The following PCM1 variants were observed in gnomAD, a reference collection of about 807,000 sequenced individuals.
PCM1 encodes the protein pericentriolar material 1 protein.
Under a neutral mutation model 241.9 loss-of-function variants are expected in PCM1, and 157 were observed. That is an observed-to-expected ratio of 0.65 (90% CI 0.57 to 0.74). PCM1 has a LOEUF of 0.74. PCM1 is among the 30% of genes least tolerant of loss of function. PCM1 has a pLI of 0.00. For synonymous variants in PCM1, 1,085 were observed against 784.9 expected (o/e 1.38, Z -6.39); for missense variants, 3,478 against 2,360.1 (o/e 1.47, Z -9.81).
chr8:17,955,665 A>C lies in PCM1; in HGVS notation c.1472+12A>C. 6.3e-7 allele frequency: 1 copy of C among 1,596,040 alleles called. No individual in the cohort carries two copies. The highest frequency in any genetic ancestry group is 8.6e-7 in the Non-Finnish European group (1 of 1,163,784). Reference sequence around the variant, plus strand: ...TCTGAAAAACTCCAGTAAAACATTTATAATCATTGTTTACATGAAGTTAAA... The same window carrying C: ...TCTGAAAAACTCCAGTAAAACATTTCTAATCATTGTTTACATGAAGTTAAA... On this transcript the variant is annotated intron_variant, in intron 10 of 38. Transcript: ENST00000325083.
At chr8:17,926,812 CAAGT>C (rs918801947) in intron 2 of PCM1, 5 of 152,182 alleles carry the variant, frequency 3.3e-5, no homozygotes, top group African/African-American at 1.2e-4. Flanking sequence ...CAGCAGGAAT[CAAGT>C]GAGAGAAGTA....
intron 23 of PCM1, among the ~76,000 whole-genome samples, chr8:17,973,351 A>G (rs1262473257): frequency 1.3e-5 from 2 of 152,170 alleles, no homozygotes; most frequent in African/African-American, 4.8e-5. Flanking sequence ...GTTACAGCTG[A>G]AGGATATTCT....
chr8:17,936,793 CTG>C (rs776270158), intron 3 of PCM1, among the ~76,000 whole-genome samples: 6 of 152,030 alleles, frequency 3.9e-5, no homozygotes, highest in Non-Finnish European at 7.4e-5. Context: ...GTAAAGGTAT[CTG>C]TAATTTATTT....
intron 29 of PCM1, among the ~76,000 whole-genome samples, chr8:17,994,822 G>C (rs73573632): frequency 0.016 from 2,476 of 151,450 alleles, 207 homozygotes; most frequent in African/African-American, 0.058. Context: ...TTTGCCATTT[G>C]TATGTCGTCT....
intron 23 of PCM1, 22 bp from the exon 24 acceptor site, chr8:17,980,569 G>T (rs370855999): frequency 2.6e-6 from 4 of 1,562,170 alleles, no homozygotes; most frequent in Non-Finnish European, 3.5e-6. Flanking sequence ...ACTGATAACA[G>T]TTGTCACTTT....
chr8:17,956,077 T>C lies in PCM1; in HGVS notation c.1472+424T>C, dbSNP rs993255449. On this transcript the variant is annotated intron_variant, in intron 10 of 38. Transcript: ENST00000325083. ...ATGATAATATACCTGTTGATAAATATGTTTTCATTAAAAAACGTTGGCGCA... is the reference window on the plus strand; with the variant it reads ...ATGATAATATACCTGTTGATAAATACGTTTTCATTAAAAAACGTTGGCGCA... The C allele has an allele frequency of 4.3e-5, 9 of 209,938 alleles. 1 individual carries two copies. Among genetic ancestry groups the C allele is most frequent in the South Asian group, 2.4e-4 (3 of 12,650 alleles). The allele number at this position is 209,938 out of a possible 1,614,324, so 13.0% of individuals were successfully genotyped here.
intron 9 of PCM1, among the ~76,000 whole-genome samples, chr8:17,954,025 T>C (rs2067069437): frequency 6.6e-6 from 1 of 152,198 alleles, no homozygotes; most frequent in African/African-American, 2.4e-5. Flanking sequence ...AAAAGAACCT[T>C]AATATTCCTG....
At chr8:18,019,044 A>G (rs1253404480) in intron 36 of PCM1, among the ~76,000 whole-genome samples, 1 of 151,810 alleles carries the variant, frequency 6.6e-6, no homozygotes, top group Non-Finnish European at 1.5e-5. Flanking sequence ...TACAGATTCT[A>G]AATGGTTCAC....
intron 2 of PCM1, among the ~76,000 whole-genome samples, chr8:17,934,330 C>G (rs1249255400): frequency 6.6e-6 from 1 of 150,830 alleles, no homozygotes; most frequent in African/African-American, 2.4e-5. Context: ...GGTGCAGTCT[C>G]GGCTCACTGC....
At chr8:17,949,695 CTG>C (rs906620065) in intron 7 of PCM1, among the ~76,000 whole-genome samples, 5 of 152,126 alleles carry the variant, frequency 3.3e-5, no homozygotes, top group Non-Finnish European at 7.3e-5. Context: ...TGGGGTCTCA[CTG>C]TGGTGCCCAG....
At chr8:17,992,354 C>T (rs762142273) in intron 28 of PCM1, among the ~76,000 whole-genome samples, 1 of 152,184 alleles carries the variant, frequency 6.6e-6, no homozygotes, top group Admixed American at 6.5e-5. Flanking sequence ...AGTTAGTTTA[C>T]ATGCCCACCA....
chr8:17,946,627 G>T (rs35207417), intron 6 of PCM1, among the ~76,000 whole-genome samples: 1 of 152,064 alleles, frequency 6.6e-6, no homozygotes, highest in African/African-American at 2.4e-5. Flanking sequence ...CTCCTGAGTA[G>T]CTGGGATAAC....
Position 18,011,703 on chromosome 8 carries a change from A to G in PCM1, c.5387A>G (p.Tyr1796Cys), listed in dbSNP as rs761871778. The G allele has an allele frequency of 8.1e-6, 13 of 1,612,728 alleles. No individual in the cohort carries two copies. Among genetic ancestry groups the G allele is most frequent in the Admixed American group, 6.7e-5 (4 of 59,852 alleles). The change falls in exon 34 of 39, where the codon TAT becomes TGT. Residue 1796 changes from tyrosine to cysteine, a missense_variant. Coordinates refer to ENST00000325083, the MANE Select transcript of PCM1 (RefSeq NM_006197.4). ...SKAETQALTN[Y>C]GSGEDENEDE... is the part of the protein sequence containing the mutation. ...GCTGAAACTCAGGCTTTAACTAATT[A>G]TGGAAGTGGAGAAGATGAAAATGAG...
chr8:17,993,336 TA>T (rs1216436835), intron 28 of PCM1, 146 bp from the exon 29 acceptor site: 57 of 450,396 alleles, frequency 1.3e-4, no homozygotes, highest in East Asian at 6.6e-4. Context: ...TTTTAATTGA[TA>T]GGGGTGCTTA....
At chr8:17,973,620 GA>G (rs1040893767) in intron 23 of PCM1, among the ~76,000 whole-genome samples, 6 of 151,618 alleles carry the variant, frequency 4.0e-5, no homozygotes, top group African/African-American at 1.5e-4. Context: ...AGGAGGCTGA[GA>G]CACAAGAATC....
In PCM1 at chr8:18,028,351, A is replaced by ATGTT. The variant is rs1832244964; in HGVS notation, c.*690_*691insGTTT. The ATGTT allele has an allele frequency of 5.2e-6, 1 of 191,732 alleles. No individual in the cohort carries two copies. The highest frequency in any genetic ancestry group is 8.3e-5 in the East Asian group (1 of 12,034). 11.9% of individuals were successfully genotyped at this position (191,732 alleles called of 1,614,324 possible). ...TTGTTAGGATTTGAAATTCTGGAAA[A>ATGTT]TATTTATCTACATCGCCTCAGACTA... On this transcript the variant is annotated 3_prime_UTR_variant, in exon 39 of 39. Coordinates refer to ENST00000325083, the MANE Select transcript of PCM1 (RefSeq NM_006197.4).
chr8:17,925,246 C>G (rs2129444930), intron 2 of PCM1: 1 of 152,228 alleles, frequency 6.6e-6, no homozygotes, highest in South Asian at 2.1e-4. Context: ...TTCGATCTCC[C>G]TTTCCTGGTA....
At chr8:17,958,234 A>C (rs946533574) in intron 13 of PCM1, among the ~76,000 whole-genome samples, 2 of 152,188 alleles carry the variant, frequency 1.3e-5, no homozygotes, top group African/African-American at 4.8e-5. Flanking sequence ...TAATTGCCGA[A>C]GTTTATATGA....
chr8:17,945,981 A>G (rs533493185), intron 6 of PCM1, among the ~76,000 whole-genome samples: 1 of 152,326 alleles, frequency 6.6e-6, no homozygotes, highest in African/African-American at 2.4e-5. Flanking sequence ...TTAAAAGGTA[A>G]ATCGGTGATG....
Sources: gnomAD v4.1 joint callset for allele counts (sites outside exome capture counted in the v4.1 genomes callset) on GRCh38, gnomAD v4.1.1 for gene constraint, MANE v1.5 for transcripts, NCBI Gene and HGNC (gene_info 2026-07-23, HGNC 2026-07-21) for gene names.